The following PRUNE2 variants were observed in gnomAD, a reference collection of about 807,000 sequenced individuals.
The protein encoded by PRUNE2 is prune homolog 2 with BCH domain.
A neutral mutation model predicts 252.0 loss-of-function variants in PRUNE2; 164 were observed. The observed-to-expected ratio is 0.65, with a 90% CI of 0.57 to 0.74. The LOEUF (loss-of-function observed/expected upper bound fraction) is 0.74, where lower values mean the gene tolerates loss of function less well. Among genes scored for constraint, PRUNE2 ranks in the 30% least tolerant of loss-of-function variants. PRUNE2 has a pLI of 0.00. For synonymous variants in PRUNE2, 1,292 were observed against 1,350.2 expected, an observed-to-expected ratio of 0.96 and a Z score of 0.94; for missense variants, 3,495 against 3,711.0, an observed-to-expected ratio of 0.94 and a Z score of 1.51.
At chr9:76,837,875 C>T (rs1200476691) in intron 4 of PRUNE2, among the ~76,000 whole-genome samples, 1 of 151,338 alleles carries the variant, frequency 6.6e-6, no homozygotes, top group Admixed American at 6.6e-5. Context: ...GGGTTCACGC[C>T]ATTCTCCTGC....
intron 7 of PRUNE2, among the ~76,000 whole-genome samples, chr9:76,713,099 C>T (rs1043797448): frequency 1.3e-5 from 2 of 151,606 alleles, no homozygotes; most frequent in Admixed American, 6.6e-5. Flanking sequence ...ATTTCCTAGG[C>T]CTTGGGTTAA....
At chr9:76,716,044 C>CTTTTTTTTTTTTTTTTTTTTTTTTTTTT (rs1198182866) in intron 6 of PRUNE2, among the ~76,000 whole-genome samples, 1 of 152,060 alleles carries the variant, frequency 6.6e-6, no homozygotes, top group African/African-American at 2.4e-5. Context: ...ACACACATTT[C>CTTTTTTTTTTTTTTTTTTTTTTTTTTTT]TAAGAGATTT....
intron 6 of PRUNE2, among the ~76,000 whole-genome samples, chr9:76,819,739 A>T (rs2057925478): frequency 6.6e-6 from 1 of 152,232 alleles, no homozygotes; most frequent in South Asian, 2.1e-4. Context: ...AGATGCTTAA[A>T]GAAGATGTAA....
At chr9:76,842,912 G>A (rs910355098) in intron 4 of PRUNE2, among the ~76,000 whole-genome samples, 1 of 152,212 alleles carries the variant, frequency 6.6e-6, no homozygotes, top group Admixed American at 6.5e-5. Context: ...GTGGAAGACA[G>A]TGTGGCGATT....
intron 4 of PRUNE2, among the ~76,000 whole-genome samples, chr9:76,843,162 T>C (rs1279124857): frequency 6.6e-6 from 1 of 152,198 alleles, no homozygotes; most frequent in Non-Finnish European, 1.5e-5. Context: ...GATGAGCTCA[T>C]GTCCTTTGCA....
chr9:76,871,957 C>T (rs768980943), intron 1 of PRUNE2, among the ~76,000 whole-genome samples: 3 of 152,106 alleles, frequency 2.0e-5, no homozygotes, highest in Admixed American at 6.6e-5. Flanking sequence ...TAAAATTACG[C>T]TGTAGATAGT....
At chr9:76,657,209 GC>G (rs1203912347) in intron 9 of PRUNE2, among the ~76,000 whole-genome samples, 1 of 152,200 alleles carries the variant, frequency 6.6e-6, no homozygotes, top group Non-Finnish European at 1.5e-5. Flanking sequence ...GTAGCAAAAT[GC>G]TGCTATTAAG....
At chr9:76,780,008 C>T (rs1365400162) in intron 6 of PRUNE2, 2 of 152,118 alleles carry the variant, frequency 1.3e-5, no homozygotes, top group Non-Finnish European at 2.9e-5. Flanking sequence ...TAGTAAAATC[C>T]ATCGTCAGAC....
At chr9:76,890,740 T>C (rs549995460) in intron 1 of PRUNE2, among the ~76,000 whole-genome samples, 132 of 149,768 alleles carry the variant, frequency 8.8e-4, no homozygotes, top group Middle Eastern at 3.4e-3. Context: ...ACACAAATCA[T>C]CCAATTAGAC....
Position 76,705,042 on chromosome 9 carries a change from A to G in PRUNE2, c.7232T>C (p.Ile2411Thr), listed in dbSNP as rs1253124233. 2.5e-6 allele frequency: 4 copies of G among 1,613,754 alleles called. No homozygotes were observed. The highest frequency in any genetic ancestry group is 1.1e-5 in the South Asian group (1 of 91,078). Residue 2411 changes from isoleucine to threonine, a missense_variant, in exon 8 of 19, where the codon ATA becomes ACA. Physicochemically the swap from Ile to Thr is moderately conservative, Grantham distance 89. Coordinates refer to ENST00000376718, the MANE Select transcript of PRUNE2 (RefSeq NM_015225.3). ...LTEPAQSAET[I>T]EEAGSPEDES... ...ATCCTCTGGAGACCCAGCTTCCTCT[A>G]TTGTTTCAGCACTCTGGGCAGGTTC...
intron 4 of PRUNE2, among the ~76,000 whole-genome samples, chr9:76,837,190 T>TC (rs2059034125): frequency 6.6e-6 from 1 of 152,088 alleles, no homozygotes; most frequent in South Asian, 2.1e-4. Flanking sequence ...TCTGCTGTAA[T>TC]CCCAGAACTT....
At chr9:76,701,342 C>T (rs1355972104) in intron 9 of PRUNE2, among the ~76,000 whole-genome samples, 3 of 152,170 alleles carry the variant, frequency 2.0e-5, no homozygotes, top group Admixed American at 6.6e-5. Flanking sequence ...GGAAAATCTG[C>T]CCCATCCCCA....
intron 6 of PRUNE2, among the ~76,000 whole-genome samples, chr9:76,766,354 T>C (rs140617325): frequency 6.6e-6 from 1 of 152,188 alleles, no homozygotes; most frequent in African/African-American, 2.4e-5. Context: ...AGTGGGTGGC[T>C]GTGTGCCTTG....
At chr9:76,739,153 A>C (rs753515006) in intron 6 of PRUNE2, 2 of 152,212 alleles carry the variant, frequency 1.3e-5, no homozygotes, top group Non-Finnish European at 2.9e-5. Context: ...TCCACAAAGA[A>C]CACCAAACTG....
chr9:76,897,392 T>A (rs200296204), intron 1 of PRUNE2, among the ~76,000 whole-genome samples: 3,982 of 28,644 alleles, frequency 0.14, 112 homozygotes, highest in South Asian at 0.29. Flanking sequence ...GCAAACCTCT[T>A]TTTTTTTTTT....
intron 1 of PRUNE2, among the ~76,000 whole-genome samples, chr9:76,866,862 T>A (rs893323090): frequency 6.6e-6 from 1 of 151,606 alleles, no homozygotes; most frequent in Non-Finnish European, 1.5e-5. Flanking sequence ...AGGGAGCGGA[T>A]GGTCAGAAGG....
chr9:76,708,720 A>C lies in PRUNE2; in HGVS notation c.3554T>G (p.Val1185Gly), dbSNP rs2046484498. The stretch of plus-strand genomic sequence containing the variant: ...ATCAGAGGCAGGGAGCTCCCAATCT[A>C]CCTGATTTGCTTCCTGATACTCCAA... Reference protein sequence around the residue: ...WGLEYQEANQVDWELPASDEH... With the variant: ...WGLEYQEANQGDWELPASDEH... The change falls in exon 8 of 19, where the codon GTA (valine) becomes GGA (glycine). Residue 1185 changes from valine (V) to glycine (G), a missense_variant. By Grantham distance (109) the Val-to-Gly change is moderately radical. Coordinates refer to ENST00000376718, the MANE Select transcript of PRUNE2 (RefSeq NM_015225.3). 6.2e-7 allele frequency: 1 copy of C among 1,613,774 alleles called. No homozygotes were observed.
Position 76,725,199 on chromosome 9 carries a change from C to T in PRUNE2, c.757-11478G>A, listed in dbSNP as rs142143392. On this transcript the variant is annotated intron_variant, in intron 6 of 18. Coordinates refer to ENST00000376718, the MANE Select transcript of PRUNE2 (RefSeq NM_015225.3). ...TCCCCTTTCTGATTTATGGAAACCA[C>T]AAGGCAAGTCTCCAGAGCACTTTCT... Among the ~76,000 whole-genome samples the T allele has an allele frequency of 7.9e-5, 12 of 152,274 alleles. No individual in the cohort carries two copies. The East Asian group carries it at 1.5e-3, about 20-fold the overall frequency.
chr9:76,837,465 TA>T (rs1564407150), intron 4 of PRUNE2, among the ~76,000 whole-genome samples: 7 of 77,932 alleles, frequency 9.0e-5, no homozygotes, highest in African/African-American at 4.0e-4. Flanking sequence ...ATAATAATAA[TA>T]ATAATAATAA....
Sources: gnomAD v4.1 joint callset for allele counts (sites outside exome capture counted in the v4.1 genomes callset) on GRCh38, gnomAD v4.1.1 for gene constraint, MANE v1.5 for transcripts, NCBI Gene and HGNC (gene_info 2026-07-23, HGNC 2026-07-21) for gene names.